Variants in ZBTB7A observed in about 807,000 individuals in gnomAD.
ZBTB7A encodes zinc finger and BTB domain containing 7A, also known as zinc finger and BTB domain-containing protein 7A.
Under a neutral mutation model 26.7 loss-of-function variants are expected in ZBTB7A, and 7 were observed. The ratio of observed to expected loss-of-function variants is 0.26; its 90% CI spans 0.15 to 0.49. ZBTB7A has a LOEUF of 0.49. ZBTB7A is among the 20% of genes least tolerant of loss of function. The pLI is 0.98. For missense variants in ZBTB7A, 617 were observed against 919.5 expected, an observed-to-expected ratio of 0.67 and a Z score of 4.25; for synonymous variants, 452 against 441.0, an observed-to-expected ratio of 1.02 and a Z score of -0.31.
Position 4,048,282 on chromosome 19 carries a change from C to G in ZBTB7A, c.1263-38G>C, listed in dbSNP as rs1378364980. ...CACGGGGCGGGCACGGTCAGTGGGG[C>G]CGGGGACCCCCGATCCCCGCCCAGG... On this transcript the variant is annotated intron_variant, in intron 2 of 2. Transcript: ENST00000322357. The surrounding 1 kb of genome is among the most constrained non-coding windows in gnomAD (Gnocchi z 6.7). 6.6e-7 allele frequency: 1 copy of G among 1,525,658 alleles called. No homozygotes were observed. Among genetic ancestry groups the G allele is most frequent in the Non-Finnish European group, 8.7e-7 (1 of 1,146,236 alleles). 94.5% of individuals were successfully genotyped at this position (1,525,658 alleles called of 1,614,324 possible).
intron 1 of ZBTB7A, among the ~76,000 whole-genome samples, chr19:4,066,344 T>G (rs1599266815): frequency 1.1e-5 from 1 of 91,100 alleles, no homozygotes. Flanking sequence ...CCACGCCGGC[T>G]CCCCCCACCC....
rs1407697094 is a variant in ZBTB7A at position 4,054,273 on chromosome 19, C to T, written c.960G>A (p.Leu320=). ...GGCCCACCGATGACATCATCTGCTGCAGCAGCGTGCTGGCCGCCAGCCCGT... is the reference window on the plus strand; with the variant it reads ...GGCCCACCGATGACATCATCTGCTGTAGCAGCGTGCTGGCCGCCAGCCCGT... ...DVDGLAASTL[L]QQMMSSVGRA... Residue 320 remains leucine, a synonymous_variant, in exon 2 of 3, where the codon CTG becomes CTA. Coordinates refer to ENST00000322357, the MANE Select transcript of ZBTB7A (RefSeq NM_015898.4). 6.4e-7 allele frequency: 1 copy of T among 1,560,920 alleles called. No homozygotes were observed. Among genetic ancestry groups the T allele is most frequent in the Non-Finnish European group, 8.6e-7 (1 of 1,160,370 alleles).
In ZBTB7A at chr19:4,046,365, C is replaced by T; in HGVS notation, c.*1387G>A. On this transcript the variant is annotated 3_prime_UTR_variant, in exon 3 of 3. Coordinates refer to ENST00000322357, the MANE Select transcript of ZBTB7A (RefSeq NM_015898.4). ...GGGTTTTTTTTTTTATTATTTTGTA[C>T]AAAAATAAATCGACTTTTAGGAATT... 1 of 236,524 alleles carries T rather than the reference C, an allele frequency of 4.2e-6. No homozygotes were observed. Among genetic ancestry groups the T allele is most frequent in the East Asian group, 8.3e-5 (1 of 12,040 alleles). 14.7% of individuals were successfully genotyped at this position (236,524 alleles called of 1,614,324 possible).
Position 4,066,745 on chromosome 19 carries a change from C to G in ZBTB7A, c.-79G>C, listed in dbSNP as rs1191458379. Reference sequence around the variant, plus strand: ...GAAGTTGGGACTGGGCTCCCTCGGCCGCTCGCCTCCGGGGTCCGCGGCGCT... The same window carrying G: ...GAAGTTGGGACTGGGCTCCCTCGGCGGCTCGCCTCCGGGGTCCGCGGCGCT... On this transcript the variant is annotated 5_prime_UTR_variant, in exon 1 of 3. Coordinates refer to ENST00000322357, the MANE Select transcript of ZBTB7A (RefSeq NM_015898.4). The G allele has an allele frequency of 6.6e-6, 1 of 151,632 alleles. No homozygotes were observed. Among genetic ancestry groups the G allele is most frequent in the East Asian group, 2.0e-4 (1 of 5,112 alleles). 9.4% of individuals were successfully genotyped at this position (151,632 alleles called of 1,614,324 possible). A position where few individuals can be genotyped will look rare whatever the true frequency, so the allele number is the denominator to read the frequency against.
chr19:4,053,516 CGT>C lies in ZBTB7A; in HGVS notation c.1262+453_1262+454del, dbSNP rs2040528018. ...GTGCGTGCCTGGGTGTGCGTGTGTG[CGT>C]GCGTGCGTGCGTGCATGTGTATGTG... On this transcript the variant is annotated intron_variant, in intron 2 of 2. Transcript: ENST00000322357. Among the ~76,000 whole-genome samples, 39 of 13,040 alleles carry C rather than the reference CGT, an allele frequency of 3.0e-3. No homozygotes were observed. The East Asian group carries it at 0.36, about 119-fold the overall frequency. The allele number at this position is 13,040 out of a possible 152,430, so 8.6% of individuals were successfully genotyped here.
rs927624963 is a variant in ZBTB7A at position 4,044,066 on chromosome 19, G to A, written c.*3686C>T. Reference sequence around the variant, plus strand: ...GGGGCACCCCGAGGCCCCTGCCTCAGTGTCACCACCTGTGAGGTGACCGCT... The same window carrying A: ...GGGGCACCCCGAGGCCCCTGCCTCAATGTCACCACCTGTGAGGTGACCGCT... On this transcript the variant is annotated 3_prime_UTR_variant, in exon 3 of 3. Transcript: ENST00000322357. Among the ~76,000 whole-genome samples, 4 of 152,048 alleles carry A rather than the reference G, an allele frequency of 2.6e-5. No homozygotes were observed. The highest frequency in any genetic ancestry group is 4.2e-4 in the South Asian group (2 of 4,818).
rs2040549185 is a variant in ZBTB7A, at chr19:4,054,508, C to T, written c.725G>A (p.Gly242Asp). The T allele has an allele frequency of 2.8e-6, 4 of 1,426,510 alleles. No homozygotes were observed. Among genetic ancestry groups the T allele is most frequent in the Admixed American group, 3.2e-5 (1 of 31,742 alleles). The allele number at this position is 1,426,510 out of a possible 1,614,324, so 88.4% of individuals were successfully genotyped here. ...GTCCTCATCCCGCTCTGGCCACAGA[C>T]CCGGGTTGCTGTCGCCCTCGTCCCC... is the stretch of plus-strand genomic sequence containing the variant. ...GDGDEGDSNP[G>D]LWPERDEDAP... The change falls in exon 2 of 3, where the codon GGT (glycine) becomes GAT (aspartate). Residue 242 changes from glycine to aspartate, a missense_variant. Coordinates refer to ENST00000322357, the MANE Select transcript of ZBTB7A (RefSeq NM_015898.4).
rs1399841765 is a variant in ZBTB7A, at chr19:4,043,773, C to T, written c.*3979G>A. Among the ~76,000 whole-genome samples, 1 of 123,586 alleles carries T rather than the reference C, an allele frequency of 8.1e-6. No homozygotes were observed. The highest frequency in any genetic ancestry group is 1.6e-5 in the Non-Finnish European group (1 of 61,516). 81.1% of individuals were successfully genotyped at this position (123,586 alleles called of 152,430 possible). A position where few individuals can be genotyped will look rare whatever the true frequency, so the allele number is the denominator to read the frequency against. Reference sequence around the variant, plus strand: ...TGTATTTAATGCGAGCTAGTCTTAACTCTGAGGTTGTAGCTCCTGGGGCAC... The same window carrying T: ...TGTATTTAATGCGAGCTAGTCTTAATTCTGAGGTTGTAGCTCCTGGGGCAC... On this transcript the variant is annotated 3_prime_UTR_variant, in exon 3 of 3. Transcript: ENST00000322357.
At chr19:4,049,170 A>ATATATATG (rs2040468124) in intron 2 of ZBTB7A, among the ~76,000 whole-genome samples, 1 of 14,714 alleles carries the variant, frequency 6.8e-5, no homozygotes, top group Non-Finnish European at 1.2e-4. Context: ...GTGTGTGTGT[A>ATATATATG]TATATATATA....
In ZBTB7A at chr19:4,044,545, C is replaced by T. The variant is rs1209896602; in HGVS notation, c.*3207G>A. On this transcript the variant is annotated 3_prime_UTR_variant, in exon 3 of 3. Transcript: ENST00000322357. ...CCGGCCCGGCCACCTCCCCGGCCCC[C>T]GGGCGCCCCCGCCTGAAGCCCCCCA... 6.6e-6 allele frequency: 1 copy of T among 151,498 alleles called. No individual in the cohort carries two copies. The highest frequency in any genetic ancestry group is 1.5e-5 in the Non-Finnish European group (1 of 67,740). The allele number at this position is 151,498 out of a possible 1,614,324, so 9.4% of individuals were successfully genotyped here.
intron 1 of ZBTB7A, among the ~76,000 whole-genome samples, chr19:4,063,538 C>T (rs917225743): frequency 1.3e-5 from 2 of 152,190 alleles, no homozygotes; most frequent in Non-Finnish European, 2.9e-5. Context: ...GGCTGTGGCT[C>T]GTGCTGTGTG....
chr19:4,061,302 G>A (rs542065444), intron 1 of ZBTB7A, among the ~76,000 whole-genome samples: 11 of 152,278 alleles, frequency 7.2e-5, no homozygotes, highest in Non-Finnish European at 1.2e-4. Context: ...GAGGGTGGGC[G>A]GCCGGCCCAA....
At chr19:4,064,147 C>T (rs907154111) in intron 1 of ZBTB7A, among the ~76,000 whole-genome samples, 12 of 152,364 alleles carry the variant, frequency 7.9e-5, no homozygotes, top group Non-Finnish European at 1.3e-4. Context: ...TGCGGCCGCC[C>T]GCGGGCCTCT....
rs1251943895 is a variant in ZBTB7A at position 4,043,318 on chromosome 19, C to T, written c.*4434G>A. Among the ~76,000 whole-genome samples the T allele has an allele frequency of 6.8e-6, 1 of 146,814 alleles. No individual in the cohort carries two copies. Among genetic ancestry groups the T allele is most frequent in the South Asian group, 2.2e-4 (1 of 4,524 alleles). ...AGGCGGCAGCGGTCGTAACAGGCTGCGTTTAGTGGTTCTTTTTTTTTTTTT... is the reference window on the plus strand; with the variant it reads ...AGGCGGCAGCGGTCGTAACAGGCTGTGTTTAGTGGTTCTTTTTTTTTTTTT... On this transcript the variant is annotated 3_prime_UTR_variant, in exon 3 of 3. Coordinates refer to ENST00000322357, the MANE Select transcript of ZBTB7A (RefSeq NM_015898.4).
chr19:4,048,511 T>C lies in ZBTB7A; in HGVS notation c.1263-267A>G, dbSNP rs1273765378. Among the ~76,000 whole-genome samples the C allele has an allele frequency of 3.9e-5, 6 of 152,128 alleles. No individual in the cohort carries two copies. Among genetic ancestry groups the C allele is most frequent in the Non-Finnish European group, 7.4e-5 (5 of 68,012 alleles). On this transcript the variant is annotated intron_variant, in intron 2 of 2. Coordinates refer to ENST00000322357, the MANE Select transcript of ZBTB7A (RefSeq NM_015898.4). The surrounding 1 kb of genome is among the most constrained non-coding windows in gnomAD (Gnocchi z 6.7). ...AACGCTATGCCTCTCTGAACCCCGT[T>C]TCCTTTCCTTTTTTAACTTTTTAAG...
rs994922726 is a variant in ZBTB7A at position 4,053,703 on chromosome 19, G to C, written c.1262+268C>G. On this transcript the variant is annotated intron_variant, in intron 2 of 2. Coordinates refer to ENST00000322357, the MANE Select transcript of ZBTB7A (RefSeq NM_015898.4). The stretch of plus-strand genomic sequence containing the variant: ...TGCGTGTGCGTGTGTGCGTCTGTGT[G>C]TGTGCATGTGTACGTGGCATACGCG... Among the ~76,000 whole-genome samples, 2 of 151,936 alleles carry C rather than the reference G, an allele frequency of 1.3e-5. 1 individual carries two copies. The highest frequency in any genetic ancestry group is 1.3e-4 in the Admixed American group (2 of 15,254).
chr19:4,055,192 G>T lies in ZBTB7A; in HGVS notation c.41C>A (p.Pro14His). The T allele has an allele frequency of 6.3e-7, 1 of 1,580,142 alleles. No individual in the cohort carries two copies. Among genetic ancestry groups the T allele is most frequent in the Non-Finnish European group, 8.6e-7 (1 of 1,162,416 alleles). The change falls in exon 2 of 3, where the codon CCC (proline) becomes CAC (histidine). Residue 14 changes from proline to histidine, a missense_variant. Transcript: ENST00000322357. ...ACTCAGGATGTCGCTGCTGTGGTCG[G>T]GGAACGGGATCCCGATGGGGCCGTC... ...GVDGPIGIPF[P>H]DHSSDILSGL... is the part of the protein sequence containing the mutation.
chr19:4,065,989 C>G (rs2040692485), intron 1 of ZBTB7A, among the ~76,000 whole-genome samples: 1 of 148,372 alleles, frequency 6.7e-6, no homozygotes, highest in African/African-American at 2.4e-5. Context: ...CTCACCGCCC[C>G]TCCTCCGCAC....
chr19:4,066,143 C>T (rs1246301263), intron 1 of ZBTB7A, among the ~76,000 whole-genome samples: 1 of 118,768 alleles, frequency 8.4e-6, no homozygotes, highest in Admixed American at 8.4e-5. Flanking sequence ...CCCACCCGGA[C>T]ACCCCACCCC....
Sources: allele counts gnomAD v4.1 joint callset (sites outside exome capture counted in the v4.1 genomes callset), GRCh38; gene constraint gnomAD v4.1.1; non-coding constraint Gnocchi (gnomAD v3.1); transcripts MANE v1.5; gene names NCBI Gene and HGNC (gene_info 2026-07-23, HGNC 2026-07-21).